PCDHA12: variants seen among roughly 807,000 people sequenced by gnomAD.
The protein encoded by PCDHA12 is protocadherin alpha-12.
PCDHA12 carries 44 observed loss-of-function variants against 60.0 expected under a neutral mutation model. That is an observed-to-expected ratio of 0.73 (90% CI 0.58 to 0.94). The LOEUF (loss-of-function observed/expected upper bound fraction) is 0.94, where lower values mean the gene tolerates loss of function less well. Ranked by LOEUF, PCDHA12 falls within the 40% of genes least tolerant of loss-of-function variation. The pLI is 0.00. For synonymous variants in PCDHA12, 569 were observed against 553.0 expected, an observed-to-expected ratio of 1.03 and a Z score of -0.40; for missense variants, 1,276 against 1,239.7, an observed-to-expected ratio of 1.03 and a Z score of -0.44.
At chr5:140,898,133 G>T (rs2153459320) in intron 1 of PCDHA12, among the ~76,000 whole-genome samples, 1 of 152,202 alleles carries the variant, frequency 6.6e-6, no homozygotes, top group African/African-American at 2.4e-5. Flanking sequence ...CTCCCATTTT[G>T]TAGGTTGCCT....
At chr5:140,967,233 A>G in intron 1 of PCDHA12, 1 of 1,613,728 alleles carries the variant, frequency 6.2e-7, no homozygotes, top group South Asian at 1.1e-5. Context: ...TACCAGCTTC[A>G]GGTAAGCGAA....
At position 140,877,816 on chromosome 5, in the gene PCDHA12, GATT is replaced by G. The variant is rs2057354449; in HGVS notation, c.2345_2347del (p.Asp782_Cys783delinsGly). The G allele has an allele frequency of 6.2e-7, 1 of 1,609,196 alleles. No homozygotes were observed. Among genetic ancestry groups the G allele is most frequent in the East Asian group, 2.2e-5 (1 of 44,856 alleles). ...CCCAAGCCTTCAGCTGTCTCGAGAA[GATT>G]GTTTAAATCCTCCCAGTGAAGTAAG... is the stretch of plus-strand genomic sequence containing the variant. On this transcript the variant is annotated inframe_deletion, in exon 1 of 4. Coordinates refer to ENST00000398631, the MANE Select transcript of PCDHA12 (RefSeq NM_018903.4).
intron 1 of PCDHA12, chr5:140,882,775 C>T (rs1554175564): frequency 2.5e-6 from 4 of 1,614,220 alleles, no homozygotes; most frequent in East Asian, 4.5e-5. Flanking sequence ...CGGCATTGAC[C>T]TACCGACTGG....
At chr5:140,991,298 ATTATC>A (rs1361844877) in intron 3 of PCDHA12, among the ~76,000 whole-genome samples, 1 of 152,170 alleles carries the variant, frequency 6.6e-6, no homozygotes, top group African/African-American at 2.4e-5. Flanking sequence ...ACACATTACT[ATTATC>A]TTGTCCCGCA....
At chr5:140,885,910 T>C (rs55634134) in intron 1 of PCDHA12, among the ~76,000 whole-genome samples, 4,308 of 152,302 alleles carry the variant, frequency 0.028, 189 homozygotes, top group African/African-American at 0.098. Context: ...CTGTACCTTA[T>C]AGATATTAAC....
At chr5:141,009,538 C>T (rs1159631714) in intron 3 of PCDHA12, 89 bp from the exon 4 acceptor site, 11 of 1,522,362 alleles carry the variant, frequency 7.2e-6, no homozygotes, top group African/African-American at 1.4e-5. Context: ...GTTCAGCCTG[C>T]CTATGCAGTA....
chr5:140,938,477 A>T (rs2092083791), intron 1 of PCDHA12, among the ~76,000 whole-genome samples: 1 of 152,178 alleles, frequency 6.6e-6, no homozygotes, highest in Non-Finnish European at 1.5e-5. Flanking sequence ...TATGTTTTTT[A>T]AAAATCATGA....
At chr5:140,882,891 A>G (rs782750187) in intron 1 of PCDHA12, 3 of 1,614,230 alleles carry the variant, frequency 1.9e-6, no homozygotes, top group Admixed American at 1.7e-5. Context: ...ATTCAGGAAC[A>G]TAGTTTATTA....
chr5:140,976,413 C>T (rs560298731), intron 1 of PCDHA12, among the ~76,000 whole-genome samples: 2 of 151,978 alleles, frequency 1.3e-5, no homozygotes, highest in African/African-American at 4.8e-5. Flanking sequence ...TAGCCAGGTA[C>T]GGTGGCAGAT....
chr5:140,950,040 C>T (rs1053592525), intron 1 of PCDHA12, among the ~76,000 whole-genome samples: 4 of 151,718 alleles, frequency 2.6e-5, no homozygotes, highest in Non-Finnish European at 5.9e-5. Flanking sequence ...AAGTTACAAC[C>T]ATATAAGACT....
chr5:140,999,295 T>G (rs1554256739), intron 3 of PCDHA12, among the ~76,000 whole-genome samples: 1 of 152,238 alleles, frequency 6.6e-6, no homozygotes, highest in Non-Finnish European at 1.5e-5. Context: ...ATTCTTTATT[T>G]CAGAATTTCT....
At chr5:140,994,188 G>T (rs1156320589) in intron 3 of PCDHA12, among the ~76,000 whole-genome samples, 1 of 152,080 alleles carries the variant, frequency 6.6e-6, no homozygotes, top group Non-Finnish European at 1.5e-5. Flanking sequence ...AAACCACCAG[G>T]GCCTGTTGGT....
chr5:140,981,264 C>T (rs2096925155), intron 2 of PCDHA12, among the ~76,000 whole-genome samples: 1 of 152,128 alleles, frequency 6.6e-6, no homozygotes, highest in Non-Finnish European at 1.5e-5. Flanking sequence ...TCAAGATAAG[C>T]AAATGTCTAG....
rs781972089 is a variant in PCDHA12 at position 141,009,851 on chromosome 5, A to G, written c.2740A>G (p.Lys914Glu). 1 of 1,614,060 alleles carries G rather than the reference A, an allele frequency of 6.2e-7. No individual in the cohort carries two copies. Among genetic ancestry groups the G allele is most frequent in the Non-Finnish European group, 8.5e-7 (1 of 1,179,986 alleles). Residue 914 changes from lysine to glutamate, a missense_variant, in exon 4 of 4, where the codon AAG becomes GAG. Transcript: ENST00000398631. ...AACCTTCGGCAAAAAGGAGGAGACC[A>G]AGAAAAAGAAGAAAAAGAAGAAGGG... is the stretch of plus-strand genomic sequence containing the variant. ...FITFGKKEETKKKKKKKKGNK... is the reference protein window; with the variant it reads ...FITFGKKEETEKKKKKKKGNK...
At chr5:140,885,297 T>G (rs565705321) in intron 1 of PCDHA12, among the ~76,000 whole-genome samples, 30 of 152,302 alleles carry the variant, frequency 2.0e-4, no homozygotes, top group Admixed American at 5.9e-4. Context: ...GAGAGAGACC[T>G]GGTAGGCTTT....
intron 1 of PCDHA12, chr5:140,884,140 G>C: frequency 6.2e-7 from 1 of 1,613,412 alleles, no homozygotes; most frequent in Non-Finnish European, 8.5e-7. Context: ...CGTTCCGCGT[G>C]GGGCTGTACA....
At chr5:140,910,850 A>G (rs1285161954) in intron 1 of PCDHA12, among the ~76,000 whole-genome samples, 1 of 152,168 alleles carries the variant, frequency 6.6e-6, no homozygotes, top group Non-Finnish European at 1.5e-5. Flanking sequence ...CCTTGGATCT[A>G]TGTTCCATCC....
In PCDHA12 at chr5:140,929,637, G is replaced by A. The variant is rs373869618; in HGVS notation, c.2368-49312G>A. ...CCAAAATATTTTATAAGCAACAGATGTGTAAGGCACTCTAATATTTAAAGT... is the reference window on the plus strand; with the variant it reads ...CCAAAATATTTTATAAGCAACAGATATGTAAGGCACTCTAATATTTAAAGT... On this transcript the variant is annotated intron_variant, in intron 1 of 3. Coordinates refer to ENST00000398631, the MANE Select transcript of PCDHA12 (RefSeq NM_018903.4). The A allele has an allele frequency of 1.4e-4, 52 of 378,290 alleles. No homozygotes were observed. The South Asian group carries it at 3.2e-3, about 23-fold the overall frequency. The allele number at this position is 378,290 out of a possible 1,614,324, so 23.4% of individuals were successfully genotyped here. A position where few individuals can be genotyped will look rare whatever the true frequency, so the allele number is the denominator to read the frequency against.
At chr5:140,965,343 T>C (rs1460433512) in intron 1 of PCDHA12, among the ~76,000 whole-genome samples, 1 of 152,154 alleles carries the variant, frequency 6.6e-6, no homozygotes, top group Admixed American at 6.5e-5. Flanking sequence ...TGTCTCTGTG[T>C]TGCCTCTATA....
Sources: allele counts gnomAD v4.1 joint callset (sites outside exome capture counted in the v4.1 genomes callset), GRCh38; gene constraint gnomAD v4.1.1; transcripts MANE v1.5; gene names NCBI Gene and HGNC (gene_info 2026-07-23, HGNC 2026-07-21).